Variants in SPAG16 observed in about 807,000 individuals in gnomAD.
SPAG16 encodes the protein sperm associated antigen 16.
A neutral mutation model predicts 80.4 loss-of-function variants in SPAG16; 86 were observed. That is an observed-to-expected ratio of 1.07 (90% CI 0.90 to 1.28). The LOEUF (loss-of-function observed/expected upper bound fraction) is 1.28, where lower values mean the gene tolerates loss of function less well. Ranked by LOEUF, SPAG16 falls within the 50% of genes most tolerant of loss-of-function variation. The pLI is 0.00. For missense variants in SPAG16, 870 were observed against 765.3 expected (o/e 1.14, Z -1.61); for synonymous variants, 294 against 265.9 (o/e 1.11, Z -1.03).
intron 15 of SPAG16, among the ~76,000 whole-genome samples, chr2:214,309,807 G>A (rs2125975571): frequency 1.3e-5 from 2 of 152,254 alleles, no homozygotes; most frequent in South Asian, 4.1e-4. Context: ...GCAGCAAAGT[G>A]CAAGTGGATA....
At chr2:213,846,808 CT>C (rs1183444921) in intron 10 of SPAG16, among the ~76,000 whole-genome samples, 7 of 152,178 alleles carry the variant, frequency 4.6e-5, no homozygotes, top group Non-Finnish European at 1.5e-5. Context: ...TAATTTATCG[CT>C]TCACAGTTAT....
At chr2:214,137,202 T>TA (rs1363772638) in intron 14 of SPAG16, among the ~76,000 whole-genome samples, 2 of 152,122 alleles carry the variant, frequency 1.3e-5, no homozygotes, top group Admixed American at 1.3e-4. Flanking sequence ...AGATAACCAT[T>TA]TCTGATTTAT....
intron 15 of SPAG16, among the ~76,000 whole-genome samples, chr2:214,233,443 A>G (rs769934643): frequency 2.0e-5 from 3 of 152,006 alleles, no homozygotes; most frequent in Admixed American, 6.6e-5. Context: ...ATTAAAATCA[A>G]TAAAACTAGG....
intron 15 of SPAG16, among the ~76,000 whole-genome samples, chr2:214,180,953 T>C (rs2057291921): frequency 6.6e-6 from 1 of 151,798 alleles, no homozygotes; most frequent in Admixed American, 6.6e-5. Flanking sequence ...ACTTCTGTTG[T>C]CTCTCAGTTA....
Position 214,256,953 on chromosome 2 carries a change from A to G in SPAG16, c.1720+107687A>G, listed in dbSNP as rs552777248. ...ATTTTAACATCTTGTCAATTTGTTT[A>G]AAAAATTATGGGAACTCTTTTGGTG... On this transcript the variant is annotated intron_variant, in intron 15 of 15. Coordinates refer to ENST00000331683, the MANE Select transcript of SPAG16 (RefSeq NM_024532.5). 2.0e-5 allele frequency among the ~76,000 whole-genome samples: 3 copies of G among 152,056 alleles called. No homozygotes were observed. The South Asian group carries it at 6.2e-4, about 32-fold the overall frequency.
chr2:213,945,976 C>G (rs951866), intron 12 of SPAG16, among the ~76,000 whole-genome samples: 1 of 152,066 alleles, frequency 6.6e-6, no homozygotes, highest in African/African-American at 2.4e-5. Flanking sequence ...ATAAATGTAG[C>G]ATTGTTATAT....
At chr2:214,232,719 G>A (rs1330487872) in intron 15 of SPAG16, among the ~76,000 whole-genome samples, 1 of 151,814 alleles carries the variant, frequency 6.6e-6, no homozygotes, top group Non-Finnish European at 1.5e-5. Flanking sequence ...GAATTATAAT[G>A]TATATTCAAT....
intron 5 of SPAG16, among the ~76,000 whole-genome samples, chr2:213,339,431 CATT>C (rs1404892289): frequency 6.6e-6 from 1 of 152,196 alleles, no homozygotes; most frequent in Non-Finnish European, 1.5e-5. Flanking sequence ...TTATATTTCA[CATT>C]ATTGTATTGA....
intron 2 of SPAG16, 84 bp from the exon 3 acceptor site, chr2:213,297,178 T>C (rs1326454100): frequency 4.7e-6 from 7 of 1,498,118 alleles, no homozygotes; most frequent in Middle Eastern, 1.8e-4. Context: ...CTTTGATTTG[T>C]GAAGCAAAAT....
intron 10 of SPAG16, among the ~76,000 whole-genome samples, chr2:213,628,960 T>C (rs1298200663): frequency 6.6e-6 from 1 of 152,136 alleles, no homozygotes; most frequent in Non-Finnish European, 1.5e-5. Flanking sequence ...GCACTGAACC[T>C]ACCCTCAAAA....
At chr2:214,207,318 T>C (rs1406624732) in intron 15 of SPAG16, among the ~76,000 whole-genome samples, 1 of 152,194 alleles carries the variant, frequency 6.6e-6, no homozygotes, top group Admixed American at 6.5e-5. Flanking sequence ...AGCAAAAGAT[T>C]CATGACTGTT....
chr2:214,333,885 T>G (rs1170271045), intron 15 of SPAG16, among the ~76,000 whole-genome samples: 1 of 152,240 alleles, frequency 6.6e-6, no homozygotes, highest in African/African-American at 2.4e-5. Flanking sequence ...CACCATGTAC[T>G]GCGGCAGTGG....
intron 11 of SPAG16, among the ~76,000 whole-genome samples, chr2:213,897,701 C>T (rs2077051588): frequency 6.6e-6 from 1 of 152,098 alleles, no homozygotes; most frequent in Non-Finnish European, 1.5e-5. Flanking sequence ...CTAATCTATA[C>T]CTTCAGATGA....
chr2:214,180,852 A>G (rs149002699), intron 15 of SPAG16, among the ~76,000 whole-genome samples: 17 of 151,836 alleles, frequency 1.1e-4, no homozygotes, highest in African/African-American at 3.9e-4. Flanking sequence ...ACATTGGGCT[A>G]GATGCAACGT....
In SPAG16 at chr2:214,380,335, G is replaced by T. The variant is rs146023564; in HGVS notation, c.1721-29805G>T. 5.7e-3 allele frequency among the ~76,000 whole-genome samples: 861 copies of T among 152,188 alleles called. 4 individuals carry two copies. Among genetic ancestry groups the T allele is most frequent in the African/African-American group, 0.02 (829 of 41,526 alleles). ...CATTTGAAAAGCATTTCCAGTTACT[G>T]GCAATCTTCAAGAAAATGCCTAAAA... On this transcript the variant is annotated intron_variant, in intron 15 of 15. Transcript: ENST00000331683.
At chr2:213,892,036 ACC>A (rs1245952131) in intron 11 of SPAG16, among the ~76,000 whole-genome samples, 1 of 152,162 alleles carries the variant, frequency 6.6e-6, no homozygotes, top group African/African-American at 2.4e-5. Context: ...TCATCCCCAG[ACC>A]TGGAAAATGT....
At chr2:214,377,414 C>G (rs976494088) in intron 15 of SPAG16, among the ~76,000 whole-genome samples, 12 of 152,126 alleles carry the variant, frequency 7.9e-5, no homozygotes, top group Admixed American at 4.6e-4. Context: ...TGGTTGCCTG[C>G]CATTTCAGAC....
intron 13 of SPAG16, among the ~76,000 whole-genome samples, chr2:214,034,148 T>C (rs1301644538): frequency 1.3e-5 from 2 of 152,208 alleles, no homozygotes; most frequent in African/African-American, 4.8e-5. Context: ...CTTATGCAGG[T>C]TTCATAGAAA....
intron 15 of SPAG16, among the ~76,000 whole-genome samples, chr2:214,290,444 T>C (rs2125929420): frequency 6.6e-6 from 1 of 152,302 alleles, no homozygotes; most frequent in East Asian, 1.9e-4. Flanking sequence ...CTTGCTTTCC[T>C]AATTCCTTGA....
Sources: gnomAD v4.1 joint callset for allele counts (sites outside exome capture counted in the v4.1 genomes callset) on GRCh38, gnomAD v4.1.1 for gene constraint, MANE v1.5 for transcripts, NCBI Gene and HGNC (gene_info 2026-07-23, HGNC 2026-07-21) for gene names.